The following SLC38A6 variants were observed in gnomAD, a reference collection of about 807,000 sequenced individuals.
The protein encoded by SLC38A6 is N system amino acid transporter NAT-1.
Under a neutral mutation model 65.0 loss-of-function variants are expected in SLC38A6, and 73 were observed. The ratio of observed to expected loss-of-function variants is 1.12; its 90% CI spans 0.93 to 1.37. The LOEUF (loss-of-function observed/expected upper bound fraction) is 1.37, where lower values mean the gene tolerates loss of function less well. Ranked by LOEUF, SLC38A6 falls within the 40% of genes most tolerant of loss-of-function variation. SLC38A6 has a pLI of 0.00. For synonymous variants in SLC38A6, 183 were observed against 178.8 expected (o/e 1.02, Z -0.19); for missense variants, 561 against 531.1 (o/e 1.06, Z -0.55).
chr14:61,053,866 T>C (rs917891041), downstream of SLC38A6, among the ~76,000 whole-genome samples: 1 of 152,154 alleles, frequency 6.6e-6, no homozygotes, highest in Non-Finnish European at 1.5e-5. Flanking sequence ...GCAGAAGCTC[T>C]TAAGTTTAAT....
intron 15 of SLC38A6, among the ~76,000 whole-genome samples, chr14:61,071,234 A>C (rs1029786358): frequency 6.6e-6 from 1 of 152,228 alleles, no homozygotes; most frequent in Non-Finnish European, 1.5e-5. Context: ...GCAATTTTAT[A>C]TAATGCTTCA....
At chr14:61,004,433 G>C (rs2038933782) in intron 3 of SLC38A6, 1 of 151,962 alleles carries the variant, frequency 6.6e-6, no homozygotes, top group African/African-American at 2.4e-5. Flanking sequence ...TTTTTGGAAG[G>C]AAAGCTTTCT....
downstream of SLC38A6, among the ~76,000 whole-genome samples, chr14:61,053,618 T>A (rs1191310879): frequency 1.3e-5 from 2 of 152,170 alleles, no homozygotes; most frequent in Admixed American, 1.3e-4. Flanking sequence ...TGGTTTTGAT[T>A]TGCATTTCTC....
Position 60,981,252 on chromosome 14 carries a change from G to A in SLC38A6, c.-26G>A. ...GGGCAGGGGTAGAGGCTCGTAGATG[G>A]AACTGGTAGTCAGCTGGAGAGCAGC... On this transcript the variant is annotated 5_prime_UTR_variant, in exon 1 of 16. Coordinates refer to ENST00000267488, the MANE Select transcript of SLC38A6 (RefSeq NM_153811.3). 1 of 1,579,076 alleles carries A rather than the reference G, an allele frequency of 6.3e-7. No homozygotes were observed. Among genetic ancestry groups the A allele is most frequent in the South Asian group, 1.2e-5 (1 of 86,702 alleles).
chr14:61,077,591 A>G (rs1157873531), intron 15 of SLC38A6, among the ~76,000 whole-genome samples: 2 of 152,340 alleles, frequency 1.3e-5, no homozygotes, highest in East Asian at 3.9e-4. Flanking sequence ...TTTCACAGGG[A>G]AGCAAAATAC....
chr14:61,035,060 C>T (rs1001511710), intron 6 of SLC38A6, among the ~76,000 whole-genome samples: 71 of 152,170 alleles, frequency 4.7e-4, no homozygotes, highest in African/African-American at 1.7e-3. Flanking sequence ...AAAGAGGATG[C>T]GTTATTGCAA....
intron 3 of SLC38A6, among the ~76,000 whole-genome samples, chr14:60,990,967 G>A (rs1213927102): frequency 1.3e-5 from 2 of 152,130 alleles, no homozygotes; most frequent in Non-Finnish European, 2.9e-5. Context: ...ACAGGCATGA[G>A]CCATCGTGCC....
intron 3 of SLC38A6, among the ~76,000 whole-genome samples, chr14:60,989,965 A>G (rs78725724): frequency 2.0e-5 from 3 of 151,128 alleles, no homozygotes; most frequent in Admixed American, 1.3e-4. Context: ...AATTCTCTTA[A>G]TCTCCCCATC....
chr14:61,068,136 G>C (rs768060609), intron 15 of SLC38A6, among the ~76,000 whole-genome samples: 3 of 151,890 alleles, frequency 2.0e-5, no homozygotes, highest in Non-Finnish European at 2.9e-5. Context: ...ATTTCTAGTT[G>C]CTTCAGAACA....
chr14:61,014,212 C>A (rs1015931789), intron 3 of SLC38A6, among the ~76,000 whole-genome samples: 1 of 152,122 alleles, frequency 6.6e-6, no homozygotes, highest in Non-Finnish European at 1.5e-5. Flanking sequence ...ACGTAGTTCT[C>A]GTGCCGTGGT....
intron 3 of SLC38A6, among the ~76,000 whole-genome samples, chr14:61,004,003 A>G (rs971168982): frequency 1.3e-5 from 2 of 152,164 alleles, no homozygotes; most frequent in African/African-American, 4.8e-5. Flanking sequence ...AAATAGACCC[A>G]GGGAGCAAGT....
chr14:61,010,394 T>C (rs1007237238), intron 3 of SLC38A6, among the ~76,000 whole-genome samples: 7 of 152,218 alleles, frequency 4.6e-5, no homozygotes, highest in Admixed American at 2.6e-4. Flanking sequence ...TAGATCCCAT[T>C]TGTCAATTTT....
At chr14:61,023,504 C>T (rs955723032) in intron 5 of SLC38A6, among the ~76,000 whole-genome samples, 6 of 150,972 alleles carry the variant, frequency 4.0e-5, no homozygotes, top group African/African-American at 9.7e-5. Context: ...ACCCGGTAGA[C>T]GGAGGTTGCA....
At chr14:61,003,671 T>C (rs1489039433) in intron 3 of SLC38A6, among the ~76,000 whole-genome samples, 2 of 152,182 alleles carry the variant, frequency 1.3e-5, no homozygotes, top group African/African-American at 4.8e-5. Context: ...ATGCTGCAGA[T>C]TTTTTGTTGT....
chr14:61,073,799 T>G (rs756555034), intron 15 of SLC38A6: 8 of 152,048 alleles, frequency 5.3e-5, no homozygotes, highest in Non-Finnish European at 7.3e-5. Context: ...TCTAACTGTG[T>G]GGGTCCACTT....
At chr14:61,076,112 C>G (rs372435518) in intron 15 of SLC38A6, among the ~76,000 whole-genome samples, 2 of 152,142 alleles carry the variant, frequency 1.3e-5, no homozygotes, top group East Asian at 1.9e-4. Context: ...GTCTTGGCCT[C>G]CCAAAGTGCT....
At chr14:61,021,622 T>TTTGC (rs1430463468) in intron 5 of SLC38A6, among the ~76,000 whole-genome samples, 1 of 152,192 alleles carries the variant, frequency 6.6e-6, no homozygotes, top group Non-Finnish European at 1.5e-5. Flanking sequence ...ATTTTGTTGG[T>TTTGC]TTGCTTGCTT....
At chr14:60,992,688 A>G (rs1349008411) in intron 3 of SLC38A6, among the ~76,000 whole-genome samples, 1 of 151,836 alleles carries the variant, frequency 6.6e-6, no homozygotes, top group Admixed American at 6.6e-5. Context: ...TTCTTTAAAG[A>G]TAACTTTTTT....
At chr14:61,052,157 C>T in intron 15 of SLC38A6, 22 bp downstream of exon 15, 1 of 1,498,194 alleles carries the variant, frequency 6.7e-7, no homozygotes, top group Non-Finnish European at 8.9e-7. Flanking sequence ...TTGTTTCTTT[C>T]TTTCAAGACT....
Sources: allele counts gnomAD v4.1 joint callset (sites outside exome capture counted in the v4.1 genomes callset), GRCh38; gene constraint gnomAD v4.1.1; transcripts MANE v1.5; gene names NCBI Gene and HGNC (gene_info 2026-07-23, HGNC 2026-07-21).